ATAD1: variants seen among roughly 807,000 people sequenced by gnomAD.
ATAD1 encodes the protein ATPase family AAA domain containing 1, also known as outer mitochondrial transmembrane helix translocase.
A neutral mutation model predicts 42.7 loss-of-function variants in ATAD1; 18 were observed. The ratio of observed to expected loss-of-function variants is 0.42; its 90% CI spans 0.29 to 0.63. The LOEUF is 0.63. Ranked by LOEUF, ATAD1 falls within the 20% of genes least tolerant of loss-of-function variation. The probability of loss-of-function intolerance (pLI) is 0.19; values close to 1 mark genes in which losing one functional copy is unlikely to be tolerated. For synonymous variants in ATAD1, 132 were observed against 143.1 expected, an observed-to-expected ratio of 0.92 and a Z score of 0.55; for missense variants, 294 against 440.4, an observed-to-expected ratio of 0.67 and a Z score of 2.98.
chr10:87,765,502 A>T (rs1433878087), intron 8 of ATAD1, among the ~76,000 whole-genome samples: 1 of 149,170 alleles, frequency 6.7e-6, no homozygotes, highest in African/African-American at 2.5e-5. Context: ...GGTGGGGGGG[A>T]AGAAAACTCC....
intron 1 of ATAD1, among the ~76,000 whole-genome samples, chr10:87,840,013 AGAT>A (rs983130048): frequency 4.7e-4 from 71 of 152,350 alleles, no homozygotes; most frequent in Admixed American, 2.9e-3. Flanking sequence ...AGGAATAAAA[AGAT>A]TATTACTGAC....
chr10:87,777,438 TAGCTC>T (rs1855355924), intron 5 of ATAD1, among the ~76,000 whole-genome samples: 1 of 152,216 alleles, frequency 6.6e-6, no homozygotes, highest in East Asian at 1.9e-4. Flanking sequence ...CGTTGTATTA[TAGCTC>T]AGGGATGGAT....
rs749105286 is a variant in ATAD1, at chr10:87,756,791, T to G, written c.963A>C (p.Glu321Asp). 6.3e-7 allele frequency: 1 copy of G among 1,597,118 alleles called. No homozygotes were observed. Among genetic ancestry groups the G allele is most frequent in the Non-Finnish European group, 8.5e-7 (1 of 1,173,854 alleles). Residue 321 changes from glutamate to aspartate, a missense_variant and splice_region_variant, in exon 9 of 10, where the codon GAA becomes GAC. Coordinates refer to ENST00000680024, the MANE Select transcript of ATAD1 (RefSeq NM_001321967.2). ...AAAATCAAGTCAAAATAACATACCT[T>G]TCTTCTGATGTAGAATTAACATATT... ...VREYVNSTSE[E>D]SHDEDEIRPV... is the part of the protein sequence containing the mutation.
chr10:87,797,432 C>T (rs1288806625), intron 2 of ATAD1, among the ~76,000 whole-genome samples: 4 of 152,158 alleles, frequency 2.6e-5, no homozygotes, highest in Admixed American at 2.6e-4. Flanking sequence ...ATACCTCCTT[C>T]CCCCTTTGCC....
At chr10:87,817,940 G>A in intron 1 of ATAD1, 4 of 985,572 alleles carry the variant, frequency 4.1e-6, no homozygotes, top group Non-Finnish European at 4.8e-6. Flanking sequence ...CAGACCCTAA[G>A]GGCCCAGGCC....
chr10:87,820,058 G>A (rs1451208878), upstream of ATAD1, among the ~76,000 whole-genome samples: 3 of 152,026 alleles, frequency 2.0e-5, no homozygotes, highest in East Asian at 3.8e-4. Context: ...TGAGAAGAAC[G>A]GAAAGATTAT....
Position 87,752,344 on chromosome 10 carries a change from G to A in ATAD1, c.*2343C>T, listed in dbSNP as rs776716870. On this transcript the variant is annotated 3_prime_UTR_variant, in exon 10 of 10. Transcript: ENST00000680024. ...TGGAACTGGTTTAAGCATGGAGAATGCTTAAAGAATGAGCCTGGTCAACAG... is the reference window on the plus strand; with the variant it reads ...TGGAACTGGTTTAAGCATGGAGAATACTTAAAGAATGAGCCTGGTCAACAG... 6 of 152,160 alleles carry A rather than the reference G, an allele frequency of 3.9e-5. No individual in the cohort carries two copies. Among genetic ancestry groups the A allele is most frequent in the Admixed American group, 2.0e-4 (3 of 15,272 alleles). The allele number at this position is 152,160 out of a possible 1,614,324, so 9.4% of individuals were successfully genotyped here. A position where few individuals can be genotyped will look rare whatever the true frequency, so the allele number is the denominator to read the frequency against.
upstream of ATAD1, among the ~76,000 whole-genome samples, chr10:87,821,606 C>G (rs1351742684): frequency 6.6e-6 from 1 of 152,138 alleles, no homozygotes; most frequent in South Asian, 2.1e-4. Flanking sequence ...ATGCAGATTC[C>G]TGGCTCCCAG....
intron 1 of ATAD1, among the ~76,000 whole-genome samples, chr10:87,827,235 C>A (rs963772258): frequency 6.6e-6 from 1 of 152,006 alleles, no homozygotes; most frequent in Non-Finnish European, 1.5e-5. Context: ...TAATAAAATT[C>A]TGTTTCAGTA....
At chr10:87,831,734 A>G (rs901390084) in intron 1 of ATAD1, among the ~76,000 whole-genome samples, 1 of 152,242 alleles carries the variant, frequency 6.6e-6, no homozygotes, top group Non-Finnish European at 1.5e-5. Flanking sequence ...TTAATCAGTT[A>G]TAATGTCGTA....
intron 1 of ATAD1, among the ~76,000 whole-genome samples, chr10:87,825,627 A>G (rs1187951288): frequency 6.7e-6 from 1 of 149,992 alleles, no homozygotes; most frequent in Non-Finnish European, 1.5e-5. Context: ...TAACCTTCCT[A>G]TTAACCTCAG....
At chr10:87,770,569 C>T (rs917829015) in intron 7 of ATAD1, among the ~76,000 whole-genome samples, 5 of 152,152 alleles carry the variant, frequency 3.3e-5, no homozygotes, top group African/African-American at 1.2e-4. Flanking sequence ...TGTTGTTGTT[C>T]ATGGCAGGCC....
At chr10:87,800,835 G>A (rs1187995919) in intron 2 of ATAD1, among the ~76,000 whole-genome samples, 1 of 152,084 alleles carries the variant, frequency 6.6e-6, no homozygotes, top group Non-Finnish European at 1.5e-5. Flanking sequence ...AGAAATTAAA[G>A]GTATTCAACT....
chr10:87,754,859 C>A (rs780576555), intron 9 of ATAD1, 52 bp from the exon 10 acceptor site: 7 of 1,562,182 alleles, frequency 4.5e-6, no homozygotes, highest in Non-Finnish European at 6.1e-6. Context: ...GAATATGCCT[C>A]CCTAAAATAT....
chr10:87,811,815 T>G (rs1857197854), intron 2 of ATAD1, among the ~76,000 whole-genome samples: 1 of 152,196 alleles, frequency 6.6e-6, no homozygotes, highest in Admixed American at 6.5e-5. Flanking sequence ...CAACTTCAAT[T>G]GCTATATGAA....
At chr10:87,818,002 G>A (rs1378923842) in intron 1 of ATAD1, 165 bp downstream of exon 1, 1 of 985,562 alleles carries the variant, frequency 1.0e-6, no homozygotes, top group Non-Finnish European at 1.2e-6. Context: ...TAATCCTCTA[G>A]ATACTAAGGG....
intron 7 of ATAD1, among the ~76,000 whole-genome samples, chr10:87,768,184 A>G (rs190889887): frequency 6.6e-6 from 1 of 152,262 alleles, no homozygotes. Context: ...GTGAATTTTA[A>G]TTTAGTGCTG....
intron 2 of ATAD1, among the ~76,000 whole-genome samples, chr10:87,805,660 C>G (rs984008245): frequency 1.3e-5 from 2 of 152,036 alleles, no homozygotes; most frequent in African/African-American, 4.8e-5. Flanking sequence ...TAAAAATGTT[C>G]CCATAACTAC....
chr10:87,792,259 G>T (rs983138596), intron 3 of ATAD1, among the ~76,000 whole-genome samples: 1 of 152,168 alleles, frequency 6.6e-6, no homozygotes, highest in Non-Finnish European at 1.5e-5. Context: ...TTCCTTCTGG[G>T]AGTCTAGAAT....
Sources: gnomAD v4.1 joint callset for allele counts (sites outside exome capture counted in the v4.1 genomes callset) on GRCh38, gnomAD v4.1.1 for gene constraint, MANE v1.5 for transcripts, NCBI Gene and HGNC (gene_info 2026-07-23, HGNC 2026-07-21) for gene names.